NUP133: variants seen among roughly 807,000 people sequenced by gnomAD.
The protein encoded by NUP133 is nucleoporin 133.
In NUP133, 66 loss-of-function variants were observed where a neutral mutation model predicts 146.2. That is an observed-to-expected ratio of 0.45 (90% CI 0.37 to 0.55). NUP133 has a LOEUF of 0.55. Ranked by LOEUF, NUP133 falls within the 20% of genes least tolerant of loss-of-function variation. The pLI, the probability that NUP133 is intolerant of heterozygous loss-of-function variation, is 0.00. For missense variants in NUP133, 1,277 were observed against 1,374.8 expected (o/e 0.93, Z 1.12); for synonymous variants, 521 against 498.8 (o/e 1.04, Z -0.59).
At chr1:229,447,342 TTATAAAACCA>T (rs1379340144) in intron 24 of NUP133, among the ~76,000 whole-genome samples, 1 of 152,176 alleles carries the variant, frequency 6.6e-6, no homozygotes, top group African/African-American at 2.4e-5. Context: ...GGTTAGAAGG[TTATAAAACCA>T]TTTGACATAT....
chr1:229,505,624 C>A (rs1248052590), intron 2 of NUP133, among the ~76,000 whole-genome samples: 2 of 148,322 alleles, frequency 1.3e-5, no homozygotes, highest in Non-Finnish European at 3.0e-5. Context: ...TGGTGGCTCA[C>A]GCCTGTAATC....
intron 15 of NUP133, among the ~76,000 whole-genome samples, 171 bp downstream of exon 15, chr1:229,470,409 A>G (rs538843849): frequency 6.6e-6 from 1 of 152,312 alleles, no homozygotes; most frequent in East Asian, 1.9e-4. Context: ...TTTACAGGTA[A>G]CTGATCAATG....
intron 8 of NUP133, 74 bp downstream of exon 8, chr1:229,495,421 T>C: frequency 9.8e-7 from 1 of 1,022,456 alleles, no homozygotes. Flanking sequence ...AGATTGCTCA[T>C]CATTTTATTA....
chr1:229,469,182 T>C (rs1660897596), intron 15 of NUP133, among the ~76,000 whole-genome samples: 1 of 152,238 alleles, frequency 6.6e-6, no homozygotes, highest in Non-Finnish European at 1.5e-5. Context: ...AGGGAAGAGC[T>C]GGCCCTGTTT....
chr1:229,455,391 C>A (rs1660537966), intron 21 of NUP133, among the ~76,000 whole-genome samples: 1 of 151,996 alleles, frequency 6.6e-6, no homozygotes, highest in East Asian at 1.9e-4. Context: ...GAAACCCCAT[C>A]TCTACAAAAA....
rs1660174656 is a variant in NUP133, at chr1:229,441,185, T to C, written c.*719A>G. 1 of 336,062 alleles carries C rather than the reference T, an allele frequency of 3.0e-6. No homozygotes were observed. Among genetic ancestry groups the C allele is most frequent in the Non-Finnish European group, 5.9e-6 (1 of 170,296 alleles). 20.8% of individuals were successfully genotyped at this position (336,062 alleles called of 1,614,324 possible). On this transcript the variant is annotated 3_prime_UTR_variant, in exon 26 of 26. Transcript: ENST00000261396. ...GACTGTGGTAAAGATTCATGAGTCA[T>C]TCTGAAAATACATGAGGCTGGCTGA... is the stretch of plus-strand genomic sequence containing the variant.
At chr1:229,447,379 T>C (rs995561386) in intron 24 of NUP133, among the ~76,000 whole-genome samples, 1 of 152,192 alleles carries the variant, frequency 6.6e-6, no homozygotes, top group African/African-American at 2.4e-5. Flanking sequence ...ATAATCTTCC[T>C]GTAATACTGT....
intron 12 of NUP133, among the ~76,000 whole-genome samples, chr1:229,480,603 A>C (rs1377043679): frequency 1.3e-5 from 2 of 152,220 alleles, no homozygotes; most frequent in Non-Finnish European, 2.9e-5. Flanking sequence ...GTTATCTACC[A>C]ATTGTGACCC....
rs1336544923 is a variant in NUP133, at chr1:229,506,122, T to C, written c.219A>G (p.Ile73Met). Reference sequence around the variant, plus strand: ...TCACATCATAGTTCACAGACTCAGTTATGGAGTGGTGTGGGAACATTCGTG... The same window carrying C: ...TCACATCATAGTTCACAGACTCAGTCATGGAGTGGTGTGGGAACATTCGTG... Reference protein sequence around the residue: ...TPTRMFPHHSITESVNYDVKT... With the variant: ...TPTRMFPHHSMTESVNYDVKT... Residue 73 changes from isoleucine (I) to methionine (M), a missense_variant, in exon 2 of 26, where the codon ATA becomes ATG. This residue lies in a region of NUP133 where 319 missense variants were observed against 306.9 expected (regional missense o/e 1.04). Coordinates refer to ENST00000261396, the MANE Select transcript of NUP133 (RefSeq NM_018230.3). 35 of 1,613,042 alleles carry C rather than the reference T, an allele frequency of 2.2e-5. No individual in the cohort carries two copies. In the Admixed American group the frequency reaches 5.8e-4, roughly 27 times the overall value.
At chr1:229,470,032 C>A (rs1346509180) in intron 15 of NUP133, among the ~76,000 whole-genome samples, 1 of 151,764 alleles carries the variant, frequency 6.6e-6, no homozygotes, top group Non-Finnish European at 1.5e-5. Context: ...GCCCCCTGCC[C>A]CCAGAAAAAA....
At chr1:229,467,212 A>T (rs1459994561) in intron 15 of NUP133, among the ~76,000 whole-genome samples, 1 of 152,252 alleles carries the variant, frequency 6.6e-6, no homozygotes, top group Non-Finnish European at 1.5e-5. Flanking sequence ...GAAGTAAGCA[A>T]CATAAGAGAA....
chr1:229,449,040 G>A, intron 24 of NUP133, 86 bp downstream of exon 24: 3 of 1,020,342 alleles, frequency 2.9e-6, no homozygotes, highest in Non-Finnish European at 4.6e-6. Flanking sequence ...GGTCACAGAA[G>A]TCTTCTGTTA....
At chr1:229,489,564 T>G (rs988638761) in intron 9 of NUP133, among the ~76,000 whole-genome samples, 2 of 152,246 alleles carry the variant, frequency 1.3e-5, no homozygotes, top group African/African-American at 4.8e-5. Flanking sequence ...AGATGAAATC[T>G]GTCACGAAAT....
Position 229,470,782 on chromosome 1 carries a change from C to T in NUP133, c.1874G>A (p.Gly625Asp), listed in dbSNP as rs780956163. ...CGGTGTCCCTCTAACTGGAAAACTG[C>T]CTAGACGTCCAAATAAGCCAACCTT... ...IHQVGLFGRL[G>D]SFPVRGTPMA... The change falls in exon 15 of 26, where the codon GGC becomes GAC. Residue 625 changes from glycine (G) to aspartate (D), a missense_variant. Physicochemically the swap from Gly to Asp is moderately conservative, Grantham distance 94. Transcript: ENST00000261396. 2.5e-6 allele frequency: 4 copies of T among 1,613,840 alleles called. No homozygotes were observed. The highest frequency in any genetic ancestry group is 3.4e-4 in the Middle Eastern group (2 of 5,952).
chr1:229,470,450 T>C, intron 15 of NUP133, 130 bp downstream of exon 15: 2 of 737,888 alleles, frequency 2.7e-6, no homozygotes, highest in Non-Finnish European at 4.5e-6. Flanking sequence ...AGCCAGAAAA[T>C]CTGGAGTCCA....
chr1:229,492,585 A>C (rs1661554962), intron 8 of NUP133, among the ~76,000 whole-genome samples: 1 of 151,772 alleles, frequency 6.6e-6, no homozygotes, highest in African/African-American at 2.4e-5. Flanking sequence ...AGCTCCCCAA[A>C]CTTTATCACT....
intron 15 of NUP133, 110 bp from the exon 16 acceptor site, chr1:229,466,866 G>A: frequency 2.3e-6 from 2 of 861,750 alleles, no homozygotes; most frequent in South Asian, 3.6e-5. Context: ...TATAGATGGA[G>A]GAAAATTTAT....
intron 15 of NUP133, 29 bp from the exon 16 acceptor site, chr1:229,466,785 T>TA: frequency 6.2e-7 from 1 of 1,611,778 alleles, no homozygotes; most frequent in African/African-American, 1.3e-5. Flanking sequence ...GTAAACTACT[T>TA]ACAACAAAAA....
intron 12 of NUP133, among the ~76,000 whole-genome samples, chr1:229,482,575 CCAGAATACATGAG>C (rs1661241444): frequency 6.6e-6 from 1 of 152,074 alleles, no homozygotes; most frequent in South Asian, 2.1e-4. Context: ...AAGGAAAGTA[CCAGAATACATGAG>C]CAGAATACAT....
Sources: gnomAD v4.1 joint callset for allele counts (sites outside exome capture counted in the v4.1 genomes callset) on GRCh38, gnomAD v4.1.1 for gene constraint, gnomAD v4.1.1 regional missense constraint, MANE v1.5 for transcripts, NCBI Gene and HGNC (gene_info 2026-07-23, HGNC 2026-07-21) for gene names.